Variants in SORCS1 observed in about 807,000 individuals in gnomAD.
SORCS1 encodes the protein VPS10 domain-containing receptor SorCS1.
In SORCS1, 60 loss-of-function variants were observed where a neutral mutation model predicts 146.1. The observed-to-expected ratio is 0.41, with a 90% CI of 0.33 to 0.51. The LOEUF (loss-of-function observed/expected upper bound fraction) is 0.51. SORCS1 is among the 20% of genes least tolerant of loss of function. The pLI is 0.21. For missense variants in SORCS1, 1,352 were observed against 1,487.6 expected (o/e 0.91, Z 1.50); for synonymous variants, 637 against 584.0 (o/e 1.09, Z -1.31).
At chr10:106,839,516 A>G (rs1349559565) in intron 2 of SORCS1, among the ~76,000 whole-genome samples, 1 of 152,234 alleles carries the variant, frequency 6.6e-6, no homozygotes, top group Non-Finnish European at 1.5e-5. Context: ...AGCCTTCTCT[A>G]TAACGGGTAA....
chr10:107,079,802 C>T (rs889256287), intron 1 of SORCS1, among the ~76,000 whole-genome samples: 14 of 152,172 alleles, frequency 9.2e-5, no homozygotes, highest in Admixed American at 6.5e-4. Context: ...AAAAGGAGAA[C>T]TCCAAGCTAA....
At chr10:106,870,145 A>T (rs1481116309) in intron 2 of SORCS1, among the ~76,000 whole-genome samples, 3 of 152,136 alleles carry the variant, frequency 2.0e-5, no homozygotes, top group African/African-American at 7.2e-5. Context: ...AGGTGGTGAA[A>T]TATTTCTAGA....
intron 3 of SORCS1, among the ~76,000 whole-genome samples, chr10:106,825,645 C>T (rs775978060): frequency 1.3e-5 from 2 of 152,026 alleles, no homozygotes; most frequent in East Asian, 1.9e-4. Context: ...TGTTCCTTTC[C>T]GGTACAGGTT....
intron 1 of SORCS1, among the ~76,000 whole-genome samples, chr10:107,100,295 C>T (rs1211900801): frequency 2.0e-5 from 3 of 152,076 alleles, no homozygotes; most frequent in East Asian, 1.9e-4. Flanking sequence ...GGGTGGATCA[C>T]GAGGTCAGGA....
At chr10:106,717,350 T>C (rs1343998430) in intron 6 of SORCS1, among the ~76,000 whole-genome samples, 2 of 152,238 alleles carry the variant, frequency 1.3e-5, no homozygotes, top group East Asian at 3.9e-4. Context: ...AGGATTCTAG[T>C]GCCCTCTGTC....
chr10:107,024,498 A>G (rs1356480036), intron 1 of SORCS1, among the ~76,000 whole-genome samples: 2 of 152,202 alleles, frequency 1.3e-5, no homozygotes, highest in African/African-American at 4.8e-5. Flanking sequence ...CCCACTTCCA[A>G]CACTGGGGGT....
At chr10:106,980,943 A>C (rs938973770) in intron 1 of SORCS1, among the ~76,000 whole-genome samples, 2 of 152,164 alleles carry the variant, frequency 1.3e-5, no homozygotes, top group African/African-American at 2.4e-5. Context: ...TATTTCGTTT[A>C]AGCTTGATTC....
intron 24 of SORCS1, among the ~76,000 whole-genome samples, chr10:106,584,322 G>T (rs776769112): frequency 1.1e-4 from 17 of 152,262 alleles, no homozygotes; most frequent in Middle Eastern, 3.4e-3. Context: ...TTGGGAAAAA[G>T]CCACAAGACT....
chr10:107,108,714 C>G (rs1965479464), intron 1 of SORCS1, among the ~76,000 whole-genome samples: 1 of 152,104 alleles, frequency 6.6e-6, no homozygotes, highest in African/African-American at 2.4e-5. Flanking sequence ...ACAACAGTCC[C>G]CCCGTCTTAA....
Position 106,744,743 on chromosome 10 carries a change from T to C in SORCS1, c.960-14629A>G, listed in dbSNP as rs529659167. The stretch of plus-strand genomic sequence containing the variant: ...TTGGGAGCAGCCAGGCTTGCTTTTT[T>C]CCTTGGTTAAGACAGAGGAGAGACA... On this transcript the variant is annotated intron_variant, in intron 5 of 25. Transcript: ENST00000263054. Among the ~76,000 whole-genome samples, 10 of 152,290 alleles carry C rather than the reference T, an allele frequency of 6.6e-5. No individual in the cohort carries two copies. In the South Asian group the frequency reaches 1.2e-3, roughly 19 times the overall value.
intron 9 of SORCS1, among the ~76,000 whole-genome samples, chr10:106,689,900 A>ATAATT (rs1435963555): frequency 6.6e-6 from 1 of 152,214 alleles, no homozygotes; most frequent in East Asian, 1.9e-4. Flanking sequence ...GGCATCTGGG[A>ATAATT]TAATTTATAG....
intron 2 of SORCS1, among the ~76,000 whole-genome samples, chr10:106,882,382 G>A (rs1255185933): frequency 6.6e-6 from 1 of 152,154 alleles, no homozygotes; most frequent in Non-Finnish European, 1.5e-5. Context: ...GGCAAGCTTG[G>A]TCTAGGTCAA....
intron 6 of SORCS1, among the ~76,000 whole-genome samples, chr10:106,726,825 GC>G (rs1164918826): frequency 2.6e-5 from 4 of 151,966 alleles, no homozygotes; most frequent in Non-Finnish European, 5.9e-5. Flanking sequence ...GGTGGCTCAC[GC>G]CTATAATCCC....
chr10:106,963,701 C>A (rs1359893984), intron 1 of SORCS1, among the ~76,000 whole-genome samples: 1 of 152,016 alleles, frequency 6.6e-6, no homozygotes, highest in Non-Finnish European at 1.5e-5. Context: ...AGAATAAGAA[C>A]TTCCATAATT....
intron 2 of SORCS1, among the ~76,000 whole-genome samples, chr10:106,873,595 C>T (rs1326441628): frequency 6.6e-6 from 1 of 152,032 alleles, no homozygotes; most frequent in African/African-American, 2.4e-5. Flanking sequence ...TTATTTATTA[C>T]CCCTGCCAAA....
intron 1 of SORCS1, among the ~76,000 whole-genome samples, chr10:106,992,981 A>G (rs1179882435): frequency 6.6e-6 from 1 of 151,494 alleles, no homozygotes; most frequent in African/African-American, 2.4e-5. Context: ...ACAGGCATGC[A>G]CCACCACGTC....
intron 1 of SORCS1, among the ~76,000 whole-genome samples, chr10:107,042,434 T>A (rs1959175025): frequency 6.6e-6 from 1 of 152,204 alleles, no homozygotes; most frequent in African/African-American, 2.4e-5. Flanking sequence ...TAAATAAGTT[T>A]TCTCTCTTAT....
intron 1 of SORCS1, among the ~76,000 whole-genome samples, chr10:107,112,067 T>C (rs1965734481): frequency 6.6e-6 from 1 of 152,128 alleles, no homozygotes; most frequent in South Asian, 2.1e-4. Context: ...TAAAGCTCAC[T>C]GGTAAGCTTA....
At position 106,735,765 on chromosome 10, in the gene SORCS1, A is replaced by G. The variant is rs375248698; in HGVS notation, c.960-5651T>C. Reference sequence around the variant, plus strand: ...CTTTTGTGTAATGCTCAGGTTTTGTATTTGATCCTAAAAGCCATGAGATGG... The same window carrying G: ...CTTTTGTGTAATGCTCAGGTTTTGTGTTTGATCCTAAAAGCCATGAGATGG... On this transcript the variant is annotated intron_variant, in intron 5 of 25. Coordinates refer to ENST00000263054, the MANE Select transcript of SORCS1 (RefSeq NM_052918.5). Among the ~76,000 whole-genome samples, 7 of 152,322 alleles carry G rather than the reference A, an allele frequency of 4.6e-5. No individual in the cohort carries two copies. In the East Asian group the frequency reaches 7.7e-4, roughly 17 times the overall value.
Sources: allele counts gnomAD v4.1 joint callset (sites outside exome capture counted in the v4.1 genomes callset), GRCh38; gene constraint gnomAD v4.1.1; transcripts MANE v1.5; gene names NCBI Gene and HGNC (gene_info 2026-07-23, HGNC 2026-07-21).